The following SUGCT variants were observed in gnomAD, a reference collection of about 807,000 sequenced individuals.
SUGCT encodes the protein succinyl-CoA:glutarate CoA-transferase.
In SUGCT, 41 loss-of-function variants were observed where a neutral mutation model predicts 55.0. That is an observed-to-expected ratio of 0.74 (90% confidence interval 0.58 to 0.97). The LOEUF is 0.97. Ranked by LOEUF, SUGCT falls within the 50% of genes least tolerant of loss-of-function variation. The pLI, the probability that SUGCT is intolerant of heterozygous loss-of-function variation, is 0.00. For missense variants in SUGCT, 568 were observed against 547.8 expected, an observed-to-expected ratio of 1.04 and a Z score of -0.37; for synonymous variants, 187 against 200.4, an observed-to-expected ratio of 0.93 and a Z score of 0.56.
At chr7:40,314,915 GTGTATAC>G (rs1440132619) in intron 8 of SUGCT, among the ~76,000 whole-genome samples, 2 of 152,138 alleles carry the variant, frequency 1.3e-5, no homozygotes, top group Non-Finnish European at 2.9e-5. Flanking sequence ...AGAGCCCGAA[GTGTATAC>G]CACATTTGCC....
chr7:40,894,286 G>A, the SUGCT span, among the ~76,000 whole-genome samples: 2 of 152,076 alleles, frequency 1.3e-5, no homozygotes, highest in Non-Finnish European at 2.9e-5. Flanking sequence ...GCCATATGCA[G>A]AAGATTGAAA....
At chr7:40,677,545 G>A (rs1279330189) in intron 12 of SUGCT, among the ~76,000 whole-genome samples, 3 of 152,198 alleles carry the variant, frequency 2.0e-5, no homozygotes. Flanking sequence ...GAAACTGGGA[G>A]GAAGGTGCTG....
intron 13 of SUGCT, among the ~76,000 whole-genome samples, chr7:40,811,393 C>T (rs569580820): frequency 7.2e-5 from 11 of 152,068 alleles, no homozygotes; most frequent in East Asian, 5.8e-4. Flanking sequence ...TCTTAGAATC[C>T]GTGAGTATGG....
chr7:40,185,120 T>C (rs1390082007), intron 3 of SUGCT, among the ~76,000 whole-genome samples: 1 of 152,358 alleles, frequency 6.6e-6, no homozygotes, highest in East Asian at 1.9e-4. Flanking sequence ...ATTCAGCTAA[T>C]GATGTTCATC....
At chr7:40,496,494 C>T in intron 12 of SUGCT, 108 bp downstream of exon 12, 1 of 770,814 alleles carries the variant, frequency 1.3e-6, no homozygotes, top group Non-Finnish European at 2.2e-6. Flanking sequence ...TGAATTTTCA[C>T]CATCATATTA....
intron 12 of SUGCT, among the ~76,000 whole-genome samples, chr7:40,700,708 C>T (rs1785138443): frequency 6.6e-6 from 1 of 152,068 alleles, no homozygotes; most frequent in South Asian, 2.1e-4. Context: ...TCCTAATTTC[C>T]AACAGCATGA....
At chr7:40,947,848 CA>C in the SUGCT span, among the ~76,000 whole-genome samples, 1 of 152,178 alleles carries the variant, frequency 6.6e-6, no homozygotes, top group Non-Finnish European at 1.5e-5. Context: ...CTCAAGCAGG[CA>C]GTTCACAACT....
intron 6 of SUGCT, among the ~76,000 whole-genome samples, chr7:40,225,467 T>G (rs537980030): frequency 6.6e-6 from 1 of 151,478 alleles, no homozygotes; most frequent in Non-Finnish European, 1.5e-5. Context: ...TGGGGAGTCT[T>G]ACTCTGTCGC....
intron 11 of SUGCT, among the ~76,000 whole-genome samples, chr7:40,462,719 G>GAT (rs1457863147): frequency 1.3e-5 from 2 of 152,106 alleles, no homozygotes; most frequent in Non-Finnish European, 2.9e-5. Flanking sequence ...GAGCACTAGG[G>GAT]ATATAGCAGT....
intron 12 of SUGCT, among the ~76,000 whole-genome samples, chr7:40,536,365 G>T (rs190417441): frequency 1.7e-3 from 253 of 152,246 alleles, no homozygotes; most frequent in African/African-American, 5.8e-3. Context: ...GGAGAAGGGG[G>T]CAGGGATTGC....
At chr7:40,977,467 T>C in the SUGCT span, among the ~76,000 whole-genome samples, 1 of 152,220 alleles carries the variant, frequency 6.6e-6, no homozygotes, top group Non-Finnish European at 1.5e-5. Context: ...GCAACTTGTA[T>C]GTGCTATCTC....
At chr7:40,536,360 A>AG (rs1183386271) in intron 12 of SUGCT, among the ~76,000 whole-genome samples, 1 of 151,410 alleles carries the variant, frequency 6.6e-6, no homozygotes, top group Admixed American at 6.6e-5. Context: ...GGCAGGGAGA[A>AG]GGGGGCAGGG....
intron 12 of SUGCT, among the ~76,000 whole-genome samples, chr7:40,640,541 C>G (rs1246604062): frequency 6.6e-6 from 1 of 152,172 alleles, no homozygotes; most frequent in African/African-American, 2.4e-5. Flanking sequence ...AGGTGTTCAG[C>G]ATTAGCAAAT....
At chr7:40,715,925 G>T (rs1385671153) in intron 12 of SUGCT, among the ~76,000 whole-genome samples, 1 of 152,140 alleles carries the variant, frequency 6.6e-6, no homozygotes, top group African/African-American at 2.4e-5. Context: ...GGAAAGTAAG[G>T]ATTGCATTTT....
intron 9 of SUGCT, among the ~76,000 whole-genome samples, chr7:40,389,469 A>ACAAACAAACAAACAAACAAGCAAG (rs10660450): frequency 1.3e-4 from 19 of 148,398 alleles, no homozygotes; most frequent in Admixed American, 6.7e-5. Context: ...AAACAAACAA[A>ACAAACAAACAAACAAACAAGCAAG]CAAGCAAAAA....
At chr7:40,503,520 T>A (rs148884442) in intron 12 of SUGCT, among the ~76,000 whole-genome samples, 1 of 152,128 alleles carries the variant, frequency 6.6e-6, no homozygotes, top group African/African-American at 2.4e-5. Context: ...AAAGAAAAAC[T>A]TTAAAACATG....
chr7:40,414,569 A>C (rs1255463990), intron 9 of SUGCT, among the ~76,000 whole-genome samples: 1 of 151,990 alleles, frequency 6.6e-6, no homozygotes, highest in African/African-American at 2.4e-5. Context: ...CCTGCCCTAC[A>C]TCTAATTTTC....
the SUGCT span, among the ~76,000 whole-genome samples, chr7:40,926,630 T>C: frequency 6.6e-6 from 1 of 152,124 alleles, no homozygotes; most frequent in African/African-American, 2.4e-5. Context: ...GAGATTAGTG[T>C]GTTTATAATA....
chr7:40,774,848 T>C (rs952370827), intron 13 of SUGCT, among the ~76,000 whole-genome samples: 1 of 151,520 alleles, frequency 6.6e-6, no homozygotes, highest in African/African-American at 2.4e-5. Context: ...TTCATGGCCA[T>C]GTGTACTGTC....
Sources: gnomAD v4.1 joint callset for allele counts (sites outside exome capture counted in the v4.1 genomes callset) on GRCh38, gnomAD v4.1.1 for gene constraint, MANE v1.5 for transcripts, NCBI Gene and HGNC (gene_info 2026-07-23, HGNC 2026-07-21) for gene names.